Variants in MTREX observed in about 807,000 individuals in gnomAD.
MTREX encodes the protein exosome RNA helicase MTR4.
MTREX carries 76 observed loss-of-function variants against 135.4 expected under a neutral mutation model. The observed-to-expected ratio is 0.56, with a 90% CI of 0.47 to 0.68. The LOEUF is 0.68. MTREX is among the 30% of genes least tolerant of loss of function. The probability of loss-of-function intolerance (pLI) is 0.00; values close to 1 mark genes in which losing one functional copy is unlikely to be tolerated. For synonymous variants in MTREX, 404 were observed against 401.6 expected (o/e 1.01, Z -0.07); for missense variants, 920 against 1,262.1 (o/e 0.73, Z 4.11).
chr5:55,417,566 A>G (rs1304052463), intron 25 of MTREX, among the ~76,000 whole-genome samples: 1 of 152,232 alleles, frequency 6.6e-6, no homozygotes, highest in East Asian at 1.9e-4. Flanking sequence ...ATCCTAGATG[A>G]TGTTTAGCAA....
intron 18 of MTREX, among the ~76,000 whole-genome samples, chr5:55,387,618 T>A (rs1750499030): frequency 6.6e-6 from 1 of 152,072 alleles, no homozygotes; most frequent in African/African-American, 2.4e-5. Flanking sequence ...TAATAAGCAA[T>A]AAAATAATCT....
chr5:55,346,670 T>C (rs1396582518), intron 10 of MTREX, among the ~76,000 whole-genome samples: 1 of 152,174 alleles, frequency 6.6e-6, no homozygotes, highest in Non-Finnish European at 1.5e-5. Flanking sequence ...TTATTGTTGT[T>C]GTTGAATTAT....
At chr5:55,349,934 A>G (rs1749800354) in intron 12 of MTREX, among the ~76,000 whole-genome samples, 1 of 152,200 alleles carries the variant, frequency 6.6e-6, no homozygotes, top group Admixed American at 6.5e-5. Context: ...GTTTTAAGTC[A>G]TTAACTTTTT....
At chr5:55,387,125 G>A (rs1398300028) in intron 18 of MTREX, among the ~76,000 whole-genome samples, 2 of 151,900 alleles carry the variant, frequency 1.3e-5, no homozygotes, top group Admixed American at 6.6e-5. Context: ...TTTTTCTTTC[G>A]TATTGGAAAA....
chr5:55,361,758 CTTTTTTTT>C (rs34068588), intron 15 of MTREX, among the ~76,000 whole-genome samples: 1 of 143,906 alleles, frequency 6.9e-6, no homozygotes, highest in Admixed American at 6.9e-5. Context: ...GCATCCAGCC[CTTTTTTTT>C]TTTTTTAATA....
intron 20 of MTREX, among the ~76,000 whole-genome samples, chr5:55,397,917 G>A (rs1750670950): frequency 6.6e-6 from 1 of 152,084 alleles, no homozygotes; most frequent in Non-Finnish European, 1.5e-5. Flanking sequence ...AGATTTTGTA[G>A]TAAATTTAAT....
At chr5:55,347,540 A>G (rs1749758392) in intron 11 of MTREX, among the ~76,000 whole-genome samples, 1 of 152,218 alleles carries the variant, frequency 6.6e-6, no homozygotes, top group African/African-American at 2.4e-5. Flanking sequence ...AGTCTAAACC[A>G]GTAAGACCTG....
intron 20 of MTREX, among the ~76,000 whole-genome samples, chr5:55,398,597 C>G (rs1225153804): frequency 6.6e-6 from 1 of 152,148 alleles, no homozygotes; most frequent in Non-Finnish European, 1.5e-5. Context: ...CAGTTTTGAG[C>G]AGAAATACAC....
At chr5:55,364,996 G>T (rs1750077230) in intron 15 of MTREX, among the ~76,000 whole-genome samples, 1 of 152,196 alleles carries the variant, frequency 6.6e-6, no homozygotes, top group African/African-American at 2.4e-5. Flanking sequence ...CATTACACTG[G>T]TACAGCAGGT....
chr5:55,335,811 A>T, intron 5 of MTREX, among the ~76,000 whole-genome samples: 1 of 152,056 alleles, frequency 6.6e-6, no homozygotes, highest in East Asian at 1.9e-4. Context: ...TTTAATTTTG[A>T]TAGGGATTTT....
chr5:55,360,356 A>G (rs563247462), intron 15 of MTREX, among the ~76,000 whole-genome samples: 140 of 149,112 alleles, frequency 9.4e-4, no homozygotes, highest in African/African-American at 3.3e-3. Flanking sequence ...GTGGATGGAC[A>G]TTTGGATTGT....
chr5:55,382,801 T>A (rs1021601748), intron 18 of MTREX, among the ~76,000 whole-genome samples: 3 of 151,950 alleles, frequency 2.0e-5, no homozygotes, highest in Admixed American at 6.6e-5. Flanking sequence ...CCCAGCTAAT[T>A]TTTTGTATTT....
At chr5:55,384,278 G>C (rs1750443828) in intron 18 of MTREX, among the ~76,000 whole-genome samples, 1 of 152,158 alleles carries the variant, frequency 6.6e-6, no homozygotes, top group Admixed American at 6.5e-5. Flanking sequence ...TGCTAGTTCA[G>C]ATCTACTGTT....
Position 55,329,552 on chromosome 5 carries a change from T to TC in MTREX, c.515+744dup, listed in dbSNP as rs1380590963. ...ATCTTGTTTTCTGTACAGCATCATT[T>TC]CCCTTCTATCTGAAGAAATGCCTTT... On this transcript the variant is annotated intron_variant, in intron 5 of 26. Transcript: ENST00000230640. 3 of 152,318 alleles carry TC rather than the reference T, an allele frequency of 2.0e-5. No individual in the cohort carries two copies. The East Asian group carries it at 5.8e-4, about 29-fold the overall frequency. The allele number at this position is 152,318 out of a possible 1,614,324, so 9.4% of individuals were successfully genotyped here.
At chr5:55,353,716 T>A (rs1463794146) in intron 14 of MTREX, among the ~76,000 whole-genome samples, 3 of 152,216 alleles carry the variant, frequency 2.0e-5, no homozygotes, top group African/African-American at 7.2e-5. Context: ...ATAAATTAAT[T>A]AATTGAACAA....
At chr5:55,372,264 C>G (rs976256060) in intron 16 of MTREX, among the ~76,000 whole-genome samples, 3 of 151,970 alleles carry the variant, frequency 2.0e-5, no homozygotes, top group African/African-American at 7.3e-5. Context: ...GTATTCTAGT[C>G]TTTAATGACT....
At chr5:55,349,386 G>A (rs1026865134) in intron 11 of MTREX, among the ~76,000 whole-genome samples, 187 bp from the exon 12 acceptor site, 9 of 151,766 alleles carry the variant, frequency 5.9e-5, no homozygotes, top group Non-Finnish European at 1.3e-4. Context: ...ACAGGGCTTC[G>A]CCATGTTGCC....
chr5:55,405,228 C>T, intron 21 of MTREX, 197 bp from the exon 22 acceptor site: 1 of 465,016 alleles, frequency 2.2e-6, no homozygotes, highest in African/African-American at 1.9e-5. Context: ...ACAGATACAT[C>T]ATTACTCTTG....
Position 55,425,086 on chromosome 5 carries a change from TAGC to T in MTREX, c.*323_*325del. The T allele has an allele frequency of 3.1e-6, 4 of 1,306,370 alleles. No homozygotes were observed. Among genetic ancestry groups the T allele is most frequent in the South Asian group, 1.5e-5 (1 of 67,902 alleles). 80.9% of individuals were successfully genotyped at this position (1,306,370 alleles called of 1,614,324 possible). ...ACACAAAGTGTGCATCCAAGAGGCA[TAGC>T]AGCAGCAGAAGTCTTTAAAGGCTTG... On this transcript the variant is annotated 3_prime_UTR_variant, in exon 27 of 27. Transcript: ENST00000230640.
Sources: allele counts gnomAD v4.1 joint callset (sites outside exome capture counted in the v4.1 genomes callset), GRCh38; gene constraint gnomAD v4.1.1; transcripts MANE v1.5; gene names NCBI Gene and HGNC (gene_info 2026-07-23, HGNC 2026-07-21).